LRRC7: variants seen among roughly 807,000 people sequenced by gnomAD.
LRRC7 encodes the protein leucine-rich repeat-containing protein 7.
A neutral mutation model predicts 175.7 loss-of-function variants in LRRC7; 23 were observed. The observed-to-expected ratio is 0.13, with a 90% confidence interval of 0.09 to 0.19. LRRC7 has a LOEUF of 0.19. Ranked by LOEUF, LRRC7 falls within the 10% of genes least tolerant of loss-of-function variation. The pLI is 1.00. For missense variants in LRRC7, 1,354 were observed against 1,904.7 expected, an observed-to-expected ratio of 0.71 and a Z score of 5.38; for synonymous variants, 685 against 680.9, an observed-to-expected ratio of 1.01 and a Z score of -0.09.
intron 8 of LRRC7, among the ~76,000 whole-genome samples, chr1:69,931,886 T>A (rs879499951): frequency 1.3e-5 from 2 of 152,182 alleles, no homozygotes; most frequent in Non-Finnish European, 2.9e-5. Flanking sequence ...ATGGTCACTG[T>A]CATACATAGC....
At chr1:69,819,030 A>C (rs541751726) in intron 4 of LRRC7, among the ~76,000 whole-genome samples, 2 of 152,040 alleles carry the variant, frequency 1.3e-5, no homozygotes, top group Non-Finnish European at 2.9e-5. Flanking sequence ...CTTCTCAAAA[A>C]AAACAAATTC....
Position 69,942,724 on chromosome 1 carries a change from C to A in LRRC7, c.711+11154C>A, listed in dbSNP as rs1041352742. ...TGACATTTGTAATTACACTGGGCCC[C>A]CTCAGATAATCCAGGATAATCTCTC... On this transcript the variant is annotated intron_variant, in intron 8 of 26. Transcript: ENST00000651989. Among the ~76,000 whole-genome samples the A allele has an allele frequency of 5.3e-5, 8 of 152,004 alleles. No individual in the cohort carries two copies. The South Asian group carries it at 1.2e-3, about 24-fold the overall frequency.
chr1:69,746,795 G>A (rs542101928), intron 2 of LRRC7, among the ~76,000 whole-genome samples: 97 of 152,230 alleles, frequency 6.4e-4, no homozygotes, highest in Non-Finnish European at 1.2e-3. Flanking sequence ...GCTGAAGACA[G>A]GTGTCGTATT....
chr1:69,996,310 G>A (rs1052059143), intron 11 of LRRC7, among the ~76,000 whole-genome samples: 1 of 152,116 alleles, frequency 6.6e-6, no homozygotes, highest in African/African-American at 2.4e-5. Context: ...TTAGTCCTTT[G>A]TCAGATGAGT....
intron 7 of LRRC7, among the ~76,000 whole-genome samples, chr1:69,859,787 A>G (rs1341649715): frequency 2.6e-5 from 4 of 152,064 alleles, no homozygotes; most frequent in Non-Finnish European, 5.9e-5. Context: ...TCAAAATGAC[A>G]GTATGATATG....
chr1:69,783,753 CAAAAA>C (rs10712087), intron 3 of LRRC7, among the ~76,000 whole-genome samples: 1 of 84,718 alleles, frequency 1.2e-5, no homozygotes, highest in Non-Finnish European at 2.2e-5. Flanking sequence ...CTCCCCATCT[CAAAAA>C]AAAAAAAAAA....
In LRRC7 at chr1:69,906,794, A is replaced by G. The variant is rs186184407; in HGVS notation, c.648-24713A>G. 2.1e-4 allele frequency among the ~76,000 whole-genome samples: 32 copies of G among 152,282 alleles called. No individual in the cohort carries two copies. In the East Asian group the frequency reaches 5.2e-3, roughly 25 times the overall value. ...TAAAGCAGTTTTTTCCAATTCTGTG[A>G]AGAAAGTCATTGGTAGTTTGGTGGG... On this transcript the variant is annotated intron_variant, in intron 7 of 26. Coordinates refer to ENST00000651989, the MANE Select transcript of LRRC7 (RefSeq NM_001370785.2).
intron 7 of LRRC7, among the ~76,000 whole-genome samples, chr1:69,864,498 T>C (rs1026865847): frequency 6.6e-6 from 1 of 152,244 alleles, no homozygotes; most frequent in African/African-American, 2.4e-5. Context: ...CCCATTTGGA[T>C]GTTTCAAATA....
chr1:69,697,360 CTTGT>C (rs1369587390), intron 2 of LRRC7, among the ~76,000 whole-genome samples: 2 of 152,148 alleles, frequency 1.3e-5, no homozygotes, highest in Non-Finnish European at 1.5e-5. Context: ...ATTTTAATAA[CTTGT>C]TTGTTACCTT....
chr1:69,592,886 G>A (rs1444820479), intron 1 of LRRC7, among the ~76,000 whole-genome samples: 1 of 152,018 alleles, frequency 6.6e-6, no homozygotes, highest in Non-Finnish European at 1.5e-5. Flanking sequence ...AGCAAAGCTA[G>A]GATCCAAACC....
chr1:69,760,230 G>C lies in LRRC7; in HGVS notation c.140G>C (p.Gly47Ala), dbSNP rs2100936771. ...ATGACCACCAAACGGAAAATCATCG[G>C]CCGTCTGGTGCCATGCCGATGTTTC... ...LEMTTKRKII[G>A]RLVPCRCFRG... The change falls in exon 3 of 27, where the codon GGC becomes GCC. Residue 47 changes from glycine to alanine, a missense_variant. By Grantham distance (60) the Gly-to-Ala change is moderately conservative. Around this residue, in one of 4 missense-constraint regions of LRRC7, gnomAD observed 68 missense variants for 83.4 expected, o/e 0.82. Coordinates refer to ENST00000651989, the MANE Select transcript of LRRC7 (RefSeq NM_001370785.2). 6.2e-7 allele frequency: 1 copy of C among 1,612,712 alleles called. No individual in the cohort carries two copies. Among genetic ancestry groups the C allele is most frequent in the South Asian group, 1.1e-5 (1 of 91,052 alleles).
rs750175960 is a variant in LRRC7, at chr1:70,038,526, A to C, written c.2702A>C (p.Glu901Ala). The C allele has an allele frequency of 6.2e-7, 1 of 1,614,052 alleles. No individual in the cohort carries two copies. The highest frequency in any genetic ancestry group is 8.5e-7 in the Non-Finnish European group (1 of 1,179,990). ...AGGACCGCTTTTCCTTCCAAATTAG[A>C]GACAACCCCCACTACCAGCCCATTG... ...EDRTAFPSKL[E>A]TTPTTSPLPE... Residue 901 changes from glutamate (E) to alanine (A), a missense_variant, in exon 21 of 27, where the codon GAG becomes GCG. Physicochemically the swap from Glu to Ala is moderately radical, Grantham distance 107. Around this residue, in one of 4 missense-constraint regions of LRRC7, gnomAD observed 1,032 missense variants for 1,227.2 expected, o/e 0.84. Coordinates refer to ENST00000651989, the MANE Select transcript of LRRC7 (RefSeq NM_001370785.2).
intron 7 of LRRC7, among the ~76,000 whole-genome samples, chr1:69,930,532 G>A (rs1232600319): frequency 1.3e-5 from 2 of 152,170 alleles, no homozygotes; most frequent in Admixed American, 6.5e-5. Context: ...TTCTCATAGT[G>A]TATGTTTACT....
chr1:69,722,403 G>A (rs1314605791), intron 2 of LRRC7, among the ~76,000 whole-genome samples: 1 of 151,962 alleles, frequency 6.6e-6, no homozygotes, highest in Non-Finnish European at 1.5e-5. Flanking sequence ...ATATCTAGAA[G>A]AAATAAAATT....
At chr1:70,054,970 CTT>C (rs916957830) in intron 23 of LRRC7, among the ~76,000 whole-genome samples, 8 of 152,114 alleles carry the variant, frequency 5.3e-5, no homozygotes, top group African/African-American at 1.7e-4. Flanking sequence ...TACTTACACT[CTT>C]TGTTACTTAA....
intron 14 of LRRC7, among the ~76,000 whole-genome samples, chr1:70,017,902 T>C (rs1421504471): frequency 1.3e-5 from 2 of 151,992 alleles, no homozygotes; most frequent in Non-Finnish European, 2.9e-5. Flanking sequence ...GGGAAAAAAA[T>C]ATGATTTATT....
chr1:69,587,386 C>T (rs946770211), intron 1 of LRRC7, among the ~76,000 whole-genome samples: 3 of 152,186 alleles, frequency 2.0e-5, no homozygotes, highest in African/African-American at 7.2e-5. Flanking sequence ...ACTGATCCCT[C>T]ACTTCCTTTG....
intron 7 of LRRC7, among the ~76,000 whole-genome samples, chr1:69,922,583 T>G (rs912168595): frequency 6.6e-6 from 1 of 152,172 alleles, no homozygotes; most frequent in African/African-American, 2.4e-5. Context: ...GTATTTTTGT[T>G]ATGGAATAAA....
At chr1:69,610,671 A>G (rs1648579461) in intron 1 of LRRC7, among the ~76,000 whole-genome samples, 1 of 152,032 alleles carries the variant, frequency 6.6e-6, no homozygotes, top group South Asian at 2.1e-4. Flanking sequence ...TTAATTTTTT[A>G]CATAGGACAT....
Sources: allele counts gnomAD v4.1 joint callset (sites outside exome capture counted in the v4.1 genomes callset), GRCh38; gene constraint gnomAD v4.1.1; regional missense constraint gnomAD v4.1.1; transcripts MANE v1.5; gene names NCBI Gene and HGNC (gene_info 2026-07-23, HGNC 2026-07-21).